CCDC187: variants seen among roughly 807,000 people sequenced by gnomAD.
CCDC187 encodes the protein coiled-coil domain-containing protein 187.
CCDC187 carries 32 observed loss-of-function variants against 38.0 expected under a neutral mutation model. The ratio of observed to expected loss-of-function variants is 0.84; its 90% CI spans 0.64 to 1.13. The LOEUF (loss-of-function observed/expected upper bound fraction) is 1.13, where lower values mean the gene tolerates loss of function less well. Ranked by LOEUF, CCDC187 falls within the 50% of genes most tolerant of loss-of-function variation. The pLI, the probability that CCDC187 is intolerant of heterozygous loss-of-function variation, is 0.00. For missense variants in CCDC187, 707 were observed against 786.8 expected, an observed-to-expected ratio of 0.90 and a Z score of 1.21; for synonymous variants, 333 against 347.9, an observed-to-expected ratio of 0.96 and a Z score of 0.48.
Position 136,290,667 on chromosome 9 carries a change from G to A in CCDC187, c.1946C>T (p.Ala649Val), listed in dbSNP as rs1453501720. The change falls in exon 6 of 26, where the codon GCC becomes GTC. Residue 649 changes from alanine to valine, a missense_variant. By Grantham distance (64) the Ala-to-Val change is moderately conservative. Coordinates refer to ENST00000638797, the MANE Select transcript of CCDC187 (RefSeq NM_001378188.1). ...LREFMRQKAQARRRQALEEKA... is the reference protein window; with the variant it reads ...LREFMRQKAQVRRRQALEEKA... ...CTCCTCCAGGGCCTGCCGCCGCCGG[G>A]CCTGCGCCTTCTGGCGCATGAACTC... The A allele has an allele frequency of 1.8e-5, 7 of 398,450 alleles. No homozygotes were observed. Among genetic ancestry groups the A allele is most frequent in the African/African-American group, 1.2e-4 (6 of 48,618 alleles). 24.7% of individuals were successfully genotyped at this position (398,450 alleles called of 1,614,324 possible). A position where few individuals can be genotyped will look rare whatever the true frequency, so the allele number is the denominator to read the frequency against.
Position 136,254,217 on chromosome 9 carries a change from C to A in CCDC187, c.5611G>T (p.Gly1871Cys). 1.0e-6 allele frequency: 1 copy of A among 985,482 alleles called. No individual in the cohort carries two copies. Among genetic ancestry groups the A allele is most frequent in the African/African-American group, 1.7e-5 (1 of 57,336 alleles). The allele number at this position is 985,482 out of a possible 1,614,324, so 61.0% of individuals were successfully genotyped here. ...GAGATTTGCAGCGGGAACACCACACCGGCGGCCTCAGGGGGTGCCTGGAGG... is the reference window on the plus strand; with the variant it reads ...GAGATTTGCAGCGGGAACACCACACAGGCGGCCTCAGGGGGTGCCTGGAGG... ...EALQAPPEAA[G>C]VVFPLQISSA... The change falls in exon 26 of 26, where the codon GGT becomes TGT. Residue 1871 changes from glycine (G) to cysteine (C), a missense_variant. Coordinates refer to ENST00000638797, the MANE Select transcript of CCDC187 (RefSeq NM_001378188.1).
chr9:136,273,058 C>A (rs1052475602), intron 14 of CCDC187, among the ~76,000 whole-genome samples: 2 of 152,090 alleles, frequency 1.3e-5, no homozygotes, highest in East Asian at 3.8e-4. Flanking sequence ...AAAATGGAAT[C>A]ATTAAAAACA....
Position 136,286,707 on chromosome 9 carries a change from G to T in CCDC187, c.2223-12C>A. The T allele has an allele frequency of 2.5e-6, 1 of 398,758 alleles. No homozygotes were observed. The highest frequency in any genetic ancestry group is 3.6e-5 in the East Asian group (1 of 28,078). 24.7% of individuals were successfully genotyped at this position (398,758 alleles called of 1,614,324 possible). A position where few individuals can be genotyped will look rare whatever the true frequency, so the allele number is the denominator to read the frequency against. ...AACACAGGCAGAAGCTGCAGGAAGA[G>T]AGACGTGGACAGATCAGCTCAGGCT... On this transcript the variant is annotated splice_polypyrimidine_tract_variant and intron_variant, in intron 7 of 25. Transcript: ENST00000638797.
chr9:136,265,236 G>T (rs563672257), intron 17 of CCDC187, among the ~76,000 whole-genome samples: 1 of 152,156 alleles, frequency 6.6e-6, no homozygotes, highest in African/African-American at 2.4e-5. Context: ...GCTCTCTGCC[G>T]CAGGCAAAGC....
At chr9:136,271,405 C>T (rs1830837484) in intron 14 of CCDC187, among the ~76,000 whole-genome samples, 1 of 151,926 alleles carries the variant, frequency 6.6e-6, no homozygotes. Context: ...CCTGTAATCC[C>T]AGCTACTTGG....
chr9:136,304,792 G>A (rs1043613790), upstream of CCDC187, among the ~76,000 whole-genome samples: 373 of 152,352 alleles, frequency 2.4e-3, 6 homozygotes, highest in Admixed American at 4.2e-3. Context: ...GCAGTGGCAC[G>A]GAGCTGCGAT....
At chr9:136,285,760 A>C (rs917366250) in intron 8 of CCDC187, 154 bp from the exon 9 acceptor site, 3 of 397,112 alleles carry the variant, frequency 7.6e-6, no homozygotes, top group Non-Finnish European at 1.3e-5. Flanking sequence ...CTGCTGGAGG[A>C]AGGGCAGGGA....
intron 3 of CCDC187, among the ~76,000 whole-genome samples, chr9:136,298,731 G>A (rs1359725743): frequency 1.3e-5 from 2 of 152,236 alleles, no homozygotes; most frequent in South Asian, 2.1e-4. Context: ...CACTCTATGC[G>A]GTCCCCAGAG....
Position 136,293,114 on chromosome 9 carries a change from C to A in CCDC187, c.833-819G>T, listed in dbSNP as rs983301365. ...CACTCACAAACACTCACATTGCTCA[C>A]ACACTCACAAACACTCACATGCTCA... is the stretch of plus-strand genomic sequence containing the variant. On this transcript the variant is annotated intron_variant, in intron 4 of 25. Coordinates refer to ENST00000638797, the MANE Select transcript of CCDC187 (RefSeq NM_001378188.1). Among the ~76,000 whole-genome samples, 1,156 of 147,218 alleles carry A rather than the reference C, an allele frequency of 7.9e-3. 23 individuals carry two copies. Among genetic ancestry groups the A allele is most frequent in the African/African-American group, 0.03 (1,088 of 36,730 alleles).
upstream of CCDC187, among the ~76,000 whole-genome samples, chr9:136,305,923 A>T (rs1831796683): frequency 6.6e-6 from 1 of 152,126 alleles, no homozygotes; most frequent in African/African-American, 2.4e-5. Flanking sequence ...GCAGCTCTGA[A>T]TCAGGAGACA....
At chr9:136,293,298 A>AC (rs1831398557) in intron 4 of CCDC187, among the ~76,000 whole-genome samples, 2 of 126,586 alleles carry the variant, frequency 1.6e-5, no homozygotes, top group East Asian at 2.3e-4. Flanking sequence ...CACACTCACA[A>AC]ACACATGTTC....
intron 18 of CCDC187, 44 bp downstream of exon 18, chr9:136,263,578 C>A: frequency 1.0e-6 from 1 of 984,342 alleles, no homozygotes; most frequent in Middle Eastern, 5.2e-4. Context: ...GGGAAGGGGA[C>A]AGCATTTCTG....
At chr9:136,285,915 T>A (rs998322249) in intron 8 of CCDC187, among the ~76,000 whole-genome samples, 170 bp downstream of exon 8, 48,570 of 152,166 alleles carry the variant, frequency 0.32, 8,109 homozygotes, top group Non-Finnish European at 0.36. Context: ...ACATGCCACG[T>A]GGGAAAGCCC....
Position 136,259,919 on chromosome 9 carries a change from G to C in CCDC187, c.4210+200C>G, listed in dbSNP as rs75054622. On this transcript the variant is annotated intron_variant, in intron 20 of 25. Transcript: ENST00000638797. ...TGGCTGCCAGTGCACGGGGTGGCCC[G>C]CCTGCTGGCAAACCCACTGTGTGCT... Among the ~76,000 whole-genome samples the C allele has an allele frequency of 1.4e-3, 218 of 152,302 alleles. 5 individuals carry two copies. In the East Asian group the frequency reaches 0.039, roughly 27 times the overall value.
At chr9:136,287,722 A>G (rs1435496260) in intron 7 of CCDC187, among the ~76,000 whole-genome samples, 10 of 152,230 alleles carry the variant, frequency 6.6e-5, no homozygotes, top group Admixed American at 2.0e-4. Context: ...AAGGACAAGC[A>G]TGGCGTGTTC....
intron 5 of CCDC187, among the ~76,000 whole-genome samples, chr9:136,291,905 G>A (rs1360599410): frequency 4.6e-5 from 7 of 152,224 alleles, no homozygotes; most frequent in African/African-American, 1.7e-4. Context: ...AGAGAGCCTC[G>A]GCAGCATGCC....
At position 136,301,395 on chromosome 9, in the gene CCDC187, G is replaced by A. The variant is rs1052543177; in HGVS notation, c.626-1077C>T. ...GTTGTCAGAGCTACAGAGACAGGAAGTAGGATGAAGGGTCCCGGGGCTGGG... is the reference window on the plus strand; with the variant it reads ...GTTGTCAGAGCTACAGAGACAGGAAATAGGATGAAGGGTCCCGGGGCTGGG... On this transcript the variant is annotated intron_variant, in intron 2 of 25. Coordinates refer to ENST00000638797, the MANE Select transcript of CCDC187 (RefSeq NM_001378188.1). Among the ~76,000 whole-genome samples the A allele has an allele frequency of 9.9e-3, 1,510 of 152,158 alleles. 16 individuals are homozygous for A. The highest frequency in any genetic ancestry group is 0.014 in the Non-Finnish European group (933 of 68,006).
chr9:136,288,315 A>G (rs1466938381), intron 7 of CCDC187, among the ~76,000 whole-genome samples: 1 of 152,360 alleles, frequency 6.6e-6, no homozygotes, highest in East Asian at 1.9e-4. Context: ...AAATGGAGCC[A>G]AAAGGAGCCA....
Position 136,291,443 on chromosome 9 carries a change from C to T in CCDC187, c.1170G>A (p.Gln390=). The T allele has an allele frequency of 2.5e-6, 1 of 398,826 alleles. No homozygotes were observed. The highest frequency in any genetic ancestry group is 4.4e-6 in the Non-Finnish European group (1 of 226,194). The allele number at this position is 398,826 out of a possible 1,614,324, so 24.7% of individuals were successfully genotyped here. The change falls in exon 6 of 26, where the codon CAG becomes CAA. Residue 390 remains glutamine, a synonymous_variant. Transcript: ENST00000638797. Reference sequence around the variant, plus strand: ...CGAGCTCTTGCCCTCCCTTGCGGGCCTGGGCCAGCTCCAGCCCAGCCTGGA... The same window carrying T: ...CGAGCTCTTGCCCTCCCTTGCGGGCTTGGGCCAGCTCCAGCCCAGCCTGGA... ...QQIQAGLELA[Q]ARKGGQELGP...
Sources: allele counts gnomAD v4.1 joint callset (sites outside exome capture counted in the v4.1 genomes callset), GRCh38; gene constraint gnomAD v4.1.1; transcripts MANE v1.5; gene names NCBI Gene and HGNC (gene_info 2026-07-23, HGNC 2026-07-21).